The following FGGY variants were observed in gnomAD, a reference collection of about 807,000 sequenced individuals.
The protein encoded by FGGY is FGGY carbohydrate kinase domain containing.
Under a neutral mutation model 71.3 loss-of-function variants are expected in FGGY, and 72 were observed. That is an observed-to-expected ratio of 1.01 (90% CI 0.84 to 1.23). The LOEUF (loss-of-function observed/expected upper bound fraction) is 1.23. Among genes scored for constraint, FGGY ranks in the 50% most tolerant of loss-of-function variants. The pLI is 0.00. For missense variants in FGGY, 668 were observed against 682.3 expected (o/e 0.98, Z 0.23); for synonymous variants, 251 against 250.3 (o/e 1.00, Z -0.02).
intron 9 of FGGY, among the ~76,000 whole-genome samples, chr1:59,622,122 A>G (rs1217170086): frequency 6.6e-6 from 1 of 151,884 alleles, no homozygotes; most frequent in African/African-American, 2.4e-5. Flanking sequence ...CTATATATTT[A>G]TTTCAGATAT....
At chr1:59,391,552 A>AAAGCAAAT (rs2060696779) in intron 5 of FGGY, among the ~76,000 whole-genome samples, 4 of 152,166 alleles carry the variant, frequency 2.6e-5, no homozygotes, top group African/African-American at 9.7e-5. Flanking sequence ...GCAAATCTGG[A>AAAGCAAAT]TAGAAAAGGG....
At chr1:59,466,873 G>C (rs1198799523) in intron 6 of FGGY, among the ~76,000 whole-genome samples, 1 of 152,196 alleles carries the variant, frequency 6.6e-6, no homozygotes. Flanking sequence ...AGAGGATGTG[G>C]ACAAATAGGA....
chr1:59,340,147 G>T, intron 3 of FGGY, 78 bp downstream of exon 3: 1 of 933,400 alleles, frequency 1.1e-6, no homozygotes, highest in Non-Finnish European at 1.7e-6. Flanking sequence ...GGAACAGGAG[G>T]GCAGGCGTCT....
intron 1 of FGGY, among the ~76,000 whole-genome samples, chr1:59,306,762 A>G (rs835395): frequency 0.42 from 64,222 of 152,078 alleles, 14,156 homozygotes; most frequent in East Asian, 0.55. Context: ...TAGTTGGGGA[A>G]GAATATACAG....
chr1:59,355,498 G>A (rs911032335), intron 4 of FGGY, among the ~76,000 whole-genome samples: 7 of 151,970 alleles, frequency 4.6e-5, no homozygotes, highest in African/African-American at 1.5e-4. Context: ...TTCAAAGCTT[G>A]TAGTCATAGC....
intron 8 of FGGY, among the ~76,000 whole-genome samples, chr1:59,592,450 A>T (rs1219056000): frequency 2.0e-5 from 3 of 152,194 alleles, no homozygotes; most frequent in African/African-American, 7.2e-5. Flanking sequence ...TACCCAAAGG[A>T]CTATAAATCA....
In FGGY at chr1:59,734,341, C is replaced by T. The variant is rs541432742; in HGVS notation, c.1513-23590C>T. Among the ~76,000 whole-genome samples the T allele has an allele frequency of 1.6e-4, 25 of 152,108 alleles. No homozygotes were observed. In the South Asian group the frequency reaches 2.3e-3, roughly 14 times the overall value. The stretch of plus-strand genomic sequence containing the variant: ...ATCTCACCTCCCAGGTAGCTGGGAC[C>T]GCAGGCGTGCACCGCCACACCCAGC... On this transcript the variant is annotated intron_variant, in intron 14 of 15. Transcript: ENST00000303721.
intron 14 of FGGY, among the ~76,000 whole-genome samples, chr1:59,735,188 C>G (rs2101056139): frequency 6.6e-6 from 1 of 152,240 alleles, no homozygotes; most frequent in South Asian, 2.1e-4. Context: ...TTCACTCTCC[C>G]CCTCTCCAAC....
rs1453948090 is a variant in FGGY at position 59,387,957 on chromosome 1, TGGA to T, written c.554+9122_554+9124del. 8.5e-5 allele frequency among the ~76,000 whole-genome samples: 13 copies of T among 152,310 alleles called. No homozygotes were observed. The East Asian group carries it at 2.5e-3, about 29-fold the overall frequency. ...AGGGCCACTCACTCTTTCTTGCTATTGGAGTTCTGACTGATAGAGACTACATTA... is the reference window on the plus strand; with the variant it reads ...AGGGCCACTCACTCTTTCTTGCTATTGTTCTGACTGATAGAGACTACATTA... On this transcript the variant is annotated intron_variant, in intron 5 of 15. Transcript: ENST00000303721.
At chr1:59,527,100 A>C (rs1484396272) in intron 7 of FGGY, among the ~76,000 whole-genome samples, 1 of 152,238 alleles carries the variant, frequency 6.6e-6, no homozygotes, top group African/African-American at 2.4e-5. Flanking sequence ...TGATGTGAAA[A>C]ATATCTGGAA....
At chr1:59,381,889 C>T (rs1214116694) in intron 5 of FGGY, among the ~76,000 whole-genome samples, 1 of 152,014 alleles carries the variant, frequency 6.6e-6, no homozygotes, top group Non-Finnish European at 1.5e-5. Context: ...ATAAAATACT[C>T]ATTGAGTGTG....
At chr1:59,593,596 C>T (rs1266679104) in intron 8 of FGGY, among the ~76,000 whole-genome samples, 1 of 152,196 alleles carries the variant, frequency 6.6e-6, no homozygotes, top group Admixed American at 6.5e-5. Context: ...GCCAATCCAG[C>T]ATTTGTGATT....
chr1:59,608,503 C>A (rs571947535), intron 9 of FGGY, among the ~76,000 whole-genome samples: 24 of 152,282 alleles, frequency 1.6e-4, no homozygotes, highest in African/African-American at 5.8e-4. Context: ...TTATTGGTTA[C>A]TAATCCCCTT....
At chr1:59,523,392 C>T (rs528876014) in intron 7 of FGGY, among the ~76,000 whole-genome samples, 38 of 152,216 alleles carry the variant, frequency 2.5e-4, no homozygotes, top group Non-Finnish European at 5.1e-4. Flanking sequence ...TGCCCCAAGG[C>T]GGCAGCCTCA....
intron 1 of FGGY, among the ~76,000 whole-genome samples, chr1:59,313,719 A>T (rs1285402761): frequency 6.6e-6 from 1 of 152,186 alleles, no homozygotes; most frequent in South Asian, 2.1e-4. Flanking sequence ...AAAACCAAAC[A>T]TTGTATGTTC....
chr1:59,512,571 G>A, intron 7 of FGGY, 132 bp downstream of exon 7: 1 of 866,738 alleles, frequency 1.2e-6, no homozygotes, highest in East Asian at 2.9e-5. Context: ...ATAATGAAAA[G>A]CCTTTTTACA....
intron 7 of FGGY, among the ~76,000 whole-genome samples, chr1:59,518,365 A>G (rs900167049): frequency 1.3e-5 from 2 of 152,210 alleles, no homozygotes; most frequent in Admixed American, 6.5e-5. Flanking sequence ...TTTGGGGGGA[A>G]CATTTATTTA....
intron 7 of FGGY, among the ~76,000 whole-genome samples, chr1:59,538,568 A>C (rs2095377719): frequency 6.8e-6 from 1 of 146,786 alleles, no homozygotes; most frequent in Non-Finnish European, 1.5e-5. Context: ...GGCATTATTC[A>C]CAATAGCAAA....
intron 1 of FGGY, among the ~76,000 whole-genome samples, chr1:59,306,069 C>T (rs1217038204): frequency 6.6e-6 from 1 of 152,106 alleles, no homozygotes; most frequent in Non-Finnish European, 1.5e-5. Flanking sequence ...CTCATTTTTT[C>T]CCATCTCTGT....
Sources: allele counts gnomAD v4.1 joint callset (sites outside exome capture counted in the v4.1 genomes callset), GRCh38; gene constraint gnomAD v4.1.1; transcripts MANE v1.5; gene names NCBI Gene and HGNC (gene_info 2026-07-23, HGNC 2026-07-21).